GPC5: variants seen among roughly 807,000 people sequenced by gnomAD.
The protein encoded by GPC5 is glypican 5.
GPC5 carries 47 observed loss-of-function variants against 53.9 expected under a neutral mutation model. That is an observed-to-expected ratio of 0.87 (90% CI 0.69 to 1.11). The LOEUF is 1.11. Among genes scored for constraint, GPC5 ranks in the 50% most tolerant of loss-of-function variants. The probability of loss-of-function intolerance (pLI) is 0.00; values close to 1 mark genes in which losing one functional copy is unlikely to be tolerated. For missense variants in GPC5, 748 were observed against 713.1 expected, an observed-to-expected ratio of 1.05 and a Z score of -0.56; for synonymous variants, 286 against 263.3, an observed-to-expected ratio of 1.09 and a Z score of -0.84.
intron 3 of GPC5, among the ~76,000 whole-genome samples, chr13:91,702,209 T>C (rs1406498090): frequency 1.3e-5 from 2 of 152,112 alleles, no homozygotes; most frequent in Non-Finnish European, 2.9e-5. Flanking sequence ...TATCAGATGA[T>C]GGCTTGCAAA....
At chr13:91,962,988 T>C (rs2040140421) in intron 6 of GPC5, among the ~76,000 whole-genome samples, 1 of 152,176 alleles carries the variant, frequency 6.6e-6, no homozygotes, top group Non-Finnish European at 1.5e-5. Context: ...TATTTCTGCC[T>C]TCTGGGTGGA....
intron 7 of GPC5, among the ~76,000 whole-genome samples, chr13:92,159,437 G>T (rs144386052): frequency 1.3e-5 from 2 of 151,972 alleles, no homozygotes; most frequent in Non-Finnish European, 2.9e-5. Context: ...TTTGGGGCGG[G>T]GACTCAGGTA....
intron 7 of GPC5, among the ~76,000 whole-genome samples, chr13:92,425,718 T>G (rs1876801907): frequency 6.6e-6 from 1 of 152,100 alleles, no homozygotes; most frequent in South Asian, 2.1e-4. Context: ...CTTTAGACAG[T>G]GCCTCTTGGC....
chr13:91,435,829 G>A (rs1205136908), intron 1 of GPC5, among the ~76,000 whole-genome samples: 1 of 152,116 alleles, frequency 6.6e-6, no homozygotes, highest in African/African-American at 2.4e-5. Context: ...GACTGTTTTT[G>A]GTTGGTAAGC....
At chr13:92,486,816 T>A (rs1234197537) in intron 7 of GPC5, among the ~76,000 whole-genome samples, 3 of 152,136 alleles carry the variant, frequency 2.0e-5, no homozygotes, top group Non-Finnish European at 2.9e-5. Context: ...TGATTCGTGG[T>A]CATGTGGCTA....
At chr13:91,659,842 T>C (rs1387357957) in intron 2 of GPC5, among the ~76,000 whole-genome samples, 1 of 152,172 alleles carries the variant, frequency 6.6e-6, no homozygotes. Flanking sequence ...GACTCAGTTC[T>C]GAGAGAAGCT....
At chr13:92,452,850 T>C (rs1878119160) in intron 7 of GPC5, among the ~76,000 whole-genome samples, 1 of 152,196 alleles carries the variant, frequency 6.6e-6, no homozygotes, top group Non-Finnish European at 1.5e-5. Context: ...ATTACAGGCA[T>C]GAGCCACCAC....
intron 7 of GPC5, among the ~76,000 whole-genome samples, chr13:92,374,559 T>G (rs1411083783): frequency 6.6e-6 from 1 of 151,922 alleles, no homozygotes; most frequent in African/African-American, 2.4e-5. Flanking sequence ...TTTAGGGACA[T>G]GGATGAAATT....
chr13:91,760,160 T>A (rs2037380118), intron 5 of GPC5, among the ~76,000 whole-genome samples: 1 of 152,298 alleles, frequency 6.6e-6, no homozygotes, highest in East Asian at 1.9e-4. Context: ...GTGCTATTTA[T>A]ACATTTAATT....
chr13:92,493,436 C>T (rs1265441696), intron 7 of GPC5, among the ~76,000 whole-genome samples: 1 of 152,144 alleles, frequency 6.6e-6, no homozygotes, highest in Non-Finnish European at 1.5e-5. Context: ...TTATCTACTT[C>T]AGTATTGACT....
intron 7 of GPC5, among the ~76,000 whole-genome samples, chr13:92,519,810 A>G (rs916917026): frequency 6.6e-6 from 1 of 152,240 alleles, no homozygotes; most frequent in African/African-American, 2.4e-5. Flanking sequence ...GAGACACAAA[A>G]AACCCTTCAA....
intron 2 of GPC5, among the ~76,000 whole-genome samples, chr13:91,608,490 A>G (rs1163670530): frequency 1.3e-5 from 2 of 152,166 alleles, no homozygotes; most frequent in Non-Finnish European, 2.9e-5. Context: ...TGCATATATT[A>G]CATACATATT....
intron 2 of GPC5, among the ~76,000 whole-genome samples, chr13:91,540,267 A>G (rs1364828515): frequency 1.3e-5 from 2 of 152,200 alleles, no homozygotes; most frequent in Non-Finnish European, 2.9e-5. Context: ...ACCAATCCAA[A>G]TAAACTCTGC....
rs3064762 is a variant in GPC5, at chr13:92,512,249, T to TGTGCGC, written c.1562-354032_1562-354031insTGCGCG. Among the ~76,000 whole-genome samples, 223 of 149,574 alleles carry TGTGCGC rather than the reference T, an allele frequency of 1.5e-3. 1 individual carries two copies. The highest frequency in any genetic ancestry group is 4.0e-3 in the African/African-American group (163 of 40,832). ...TGTAGATTGTATGTGTGTGTGTGTG[T>TGTGCGC]GCGCGCGCGCGCGCGTACGCTGTGT... is the stretch of plus-strand genomic sequence containing the variant. On this transcript the variant is annotated intron_variant, in intron 7 of 7. Transcript: ENST00000377067.
chr13:91,544,111 T>TA (rs995344518), intron 2 of GPC5, among the ~76,000 whole-genome samples: 52 of 148,880 alleles, frequency 3.5e-4, no homozygotes, highest in Middle Eastern at 3.5e-3. Flanking sequence ...TTACAGTGGT[T>TA]AAAAAAAAAA....
At chr13:92,065,113 T>C (rs913589313) in intron 6 of GPC5, among the ~76,000 whole-genome samples, 1 of 152,194 alleles carries the variant, frequency 6.6e-6, no homozygotes. Context: ...GTCAGTTAAA[T>C]TCGATCAAAT....
intron 7 of GPC5, among the ~76,000 whole-genome samples, chr13:92,724,454 A>T (rs759798367): frequency 7.9e-5 from 12 of 151,644 alleles, no homozygotes; most frequent in Non-Finnish European, 1.2e-4. Flanking sequence ...AGCCTATTTT[A>T]CAAGCCTAAA....
At chr13:92,206,684 A>G (rs2139069007) in intron 7 of GPC5, among the ~76,000 whole-genome samples, 1 of 152,240 alleles carries the variant, frequency 6.6e-6, no homozygotes. Context: ...GACCATCAAT[A>G]TCAGTATTAT....
intron 7 of GPC5, among the ~76,000 whole-genome samples, chr13:92,334,279 C>T (rs55680578): frequency 0.027 from 4,071 of 152,220 alleles, 169 homozygotes; most frequent in African/African-American, 0.092. Flanking sequence ...GGCAAGAGAG[C>T]ATGCTCAGGG....
Sources: gnomAD v4.1 joint callset for allele counts (sites outside exome capture counted in the v4.1 genomes callset) on GRCh38, gnomAD v4.1.1 for gene constraint, MANE v1.5 for transcripts, NCBI Gene and HGNC (gene_info 2026-07-23, HGNC 2026-07-21) for gene names.